COL22A1: variants seen among roughly 807,000 people sequenced by gnomAD.
COL22A1 encodes the protein collagen alpha-1(XXII) chain.
In COL22A1, 221 loss-of-function variants were observed where a neutral mutation model predicts 248.9. The ratio of observed to expected loss-of-function variants is 0.89; its 90% CI spans 0.80 to 0.99. COL22A1 has a LOEUF of 0.99. Ranked by LOEUF, COL22A1 falls within the 50% of genes least tolerant of loss-of-function variation. The probability of loss-of-function intolerance (pLI) is 0.00; values close to 1 mark genes in which losing one functional copy is unlikely to be tolerated. For synonymous variants in COL22A1, 891 were observed against 793.4 expected (o/e 1.12, Z -2.07); for missense variants, 2,240 against 2,179.0 (o/e 1.03, Z -0.56).
intron 35 of COL22A1, among the ~76,000 whole-genome samples, chr8:138,693,430 G>A (rs769246776): frequency 1.3e-5 from 2 of 152,272 alleles, no homozygotes; most frequent in Non-Finnish European, 2.9e-5. Context: ...TCTTTCATTC[G>A]CTGGGCATGT....
At chr8:138,736,112 A>T (rs1043195503) in intron 23 of COL22A1, among the ~76,000 whole-genome samples, 3 of 151,992 alleles carry the variant, frequency 2.0e-5, no homozygotes, top group Non-Finnish European at 4.4e-5. Flanking sequence ...GGACCTCATT[A>T]TCACCTCTCA....
intron 49 of COL22A1, among the ~76,000 whole-genome samples, chr8:138,634,455 C>G (rs555615905): frequency 2.9e-4 from 44 of 152,208 alleles, no homozygotes; most frequent in African/African-American, 1.0e-3. Flanking sequence ...TGGGCTGCAA[C>G]AGCAGTGGAC....
At chr8:138,895,152 T>C (rs1294486224) in intron 1 of COL22A1, among the ~76,000 whole-genome samples, 1 of 151,970 alleles carries the variant, frequency 6.6e-6, no homozygotes, top group African/African-American at 2.4e-5. Context: ...ACATCTATCC[T>C]CACCTAGGCC....
intron 10 of COL22A1, among the ~76,000 whole-genome samples, chr8:138,806,077 GGTGTGTGTA>G (rs1563788298): frequency 3.7e-5 from 3 of 81,766 alleles, no homozygotes; most frequent in African/African-American, 6.7e-5. Flanking sequence ...TGTGTGTGAT[GGTGTGTGTA>G]ATGGTGTGTG....
intron 50 of COL22A1, among the ~76,000 whole-genome samples, chr8:138,626,923 G>T (rs1820294368): frequency 6.6e-6 from 1 of 152,110 alleles, no homozygotes; most frequent in South Asian, 2.1e-4. Flanking sequence ...CTATCATGGT[G>T]AGTATTATCA....
chr8:138,626,148 C>T (rs1820217666), intron 51 of COL22A1, 42 bp downstream of exon 51: 3 of 1,481,364 alleles, frequency 2.0e-6, no homozygotes, highest in Non-Finnish European at 2.8e-6. Flanking sequence ...TAAAGAGAAA[C>T]TAGTTTGTTT....
At chr8:138,742,770 T>C (rs1174694000) in intron 22 of COL22A1, among the ~76,000 whole-genome samples, 1 of 151,352 alleles carries the variant, frequency 6.6e-6, no homozygotes, top group East Asian at 2.0e-4. Flanking sequence ...GTGATGGTGG[T>C]AGTGATTGTG....
chr8:138,674,377 C>T (rs948958653), intron 41 of COL22A1, among the ~76,000 whole-genome samples: 3 of 152,186 alleles, frequency 2.0e-5, no homozygotes, highest in African/African-American at 7.2e-5. Context: ...CTTTGCTTAG[C>T]TCAGCATATC....
intron 12 of COL22A1, among the ~76,000 whole-genome samples, chr8:138,783,537 A>C (rs2131543948): frequency 6.6e-6 from 1 of 152,250 alleles, no homozygotes; most frequent in African/African-American, 2.4e-5. Context: ...CTGGCAGCTG[A>C]TTAGATGGTG....
At chr8:138,812,594 G>A (rs116504600) in intron 8 of COL22A1, among the ~76,000 whole-genome samples, 273 of 152,172 alleles carry the variant, frequency 1.8e-3, no homozygotes, top group African/African-American at 6.2e-3. Flanking sequence ...ACCAGCCCAG[G>A]GCACTGCGGC....
chr8:138,768,370 C>T (rs1382787923), intron 16 of COL22A1, among the ~76,000 whole-genome samples: 3 of 152,174 alleles, frequency 2.0e-5, no homozygotes, highest in Non-Finnish European at 4.4e-5. Context: ...CACAGGATCG[C>T]CTCTTTCTAG....
intron 41 of COL22A1, among the ~76,000 whole-genome samples, chr8:138,664,733 A>G (rs950685940): frequency 1.3e-5 from 2 of 152,250 alleles, no homozygotes; most frequent in African/African-American, 2.4e-5. Flanking sequence ...TGCCCTGTGC[A>G]TTGCAAGAAC....
At chr8:138,811,051 T>G (rs1818168593) in intron 9 of COL22A1, among the ~76,000 whole-genome samples, 1 of 152,182 alleles carries the variant, frequency 6.6e-6, no homozygotes, top group Non-Finnish European at 1.5e-5. Flanking sequence ...GTCTGCCTTT[T>G]GTAAATCTTT....
chr8:138,603,368 T>C (rs4076063), intron 59 of COL22A1, among the ~76,000 whole-genome samples: 16,389 of 152,030 alleles, frequency 0.11, 895 homozygotes, highest in South Asian at 0.19. Flanking sequence ...GCCTTGAAAG[T>C]TGGATAAAAT....
At chr8:138,696,263 T>A (rs555728960) in intron 32 of COL22A1, among the ~76,000 whole-genome samples, 1 of 152,026 alleles carries the variant, frequency 6.6e-6, no homozygotes, top group Non-Finnish European at 1.5e-5. Context: ...ACAGCCTGCT[T>A]AGGGGGACAT....
At chr8:138,794,765 G>A (rs1285494222) in intron 12 of COL22A1, among the ~76,000 whole-genome samples, 2 of 152,118 alleles carry the variant, frequency 1.3e-5, no homozygotes, top group Non-Finnish European at 2.9e-5. Flanking sequence ...TTGACAACAT[G>A]AATGAATCTG....
intron 16 of COL22A1, among the ~76,000 whole-genome samples, chr8:138,774,671 G>A (rs796366187): frequency 1.2e-4 from 18 of 152,122 alleles, no homozygotes; most frequent in South Asian, 2.1e-4. Flanking sequence ...CACCTGCCTC[G>A]GCCTCCCAAA....
intron 3 of COL22A1, among the ~76,000 whole-genome samples, chr8:138,864,368 G>A (rs11989698): frequency 0.014 from 2,162 of 151,832 alleles, 52 homozygotes; most frequent in African/African-American, 0.05. Context: ...ATGCAGATGA[G>A]GCCCTCCTTG....
intron 56 of COL22A1, 86 bp downstream of exon 56, chr8:138,613,781 T>C: frequency 1.7e-6 from 2 of 1,185,908 alleles, no homozygotes; most frequent in Non-Finnish European, 2.5e-6. Context: ...ATATATACAG[T>C]GGCACCAGAG....
Sources: gnomAD v4.1 joint callset for allele counts (sites outside exome capture counted in the v4.1 genomes callset) on GRCh38, gnomAD v4.1.1 for gene constraint, MANE v1.5 for transcripts, NCBI Gene and HGNC (gene_info 2026-07-23, HGNC 2026-07-21) for gene names.